CARMIL1: variants seen among roughly 807,000 people sequenced by gnomAD.
The protein encoded by CARMIL1 is capping protein regulator and myosin 1 linker 1.
Under a neutral mutation model 177.1 loss-of-function variants are expected in CARMIL1, and 90 were observed. That is an observed-to-expected ratio of 0.51 (90% confidence interval 0.43 to 0.61). The LOEUF (loss-of-function observed/expected upper bound fraction) is 0.61. Among genes scored for constraint, CARMIL1 ranks in the 20% least tolerant of loss-of-function variants. The pLI is 0.00. For synonymous variants in CARMIL1, 577 were observed against 606.2 expected (o/e 0.95, Z 0.71); for missense variants, 1,380 against 1,667.0 (o/e 0.83, Z 3.00).
chr6:25,301,701 A>G (rs575369936), intron 2 of CARMIL1, among the ~76,000 whole-genome samples: 1 of 152,336 alleles, frequency 6.6e-6, no homozygotes, highest in African/African-American at 2.4e-5. Context: ...ACACCTGGGT[A>G]GCCTCTGCCT....
chr6:25,457,315 G>A (rs1391379903), intron 8 of CARMIL1, among the ~76,000 whole-genome samples: 1 of 152,080 alleles, frequency 6.6e-6, no homozygotes, highest in Non-Finnish European at 1.5e-5. Context: ...ATTTTTTAGA[G>A]GGGAGGATAT....
chr6:25,433,287 A>G (rs1321927762), intron 4 of CARMIL1: 1 of 152,210 alleles, frequency 6.6e-6, no homozygotes, highest in Non-Finnish European at 1.5e-5. Flanking sequence ...GCTAATTACT[A>G]ATTACTCGCA....
intron 35 of CARMIL1, among the ~76,000 whole-genome samples, chr6:25,608,805 C>G (rs2151328634): frequency 6.6e-6 from 1 of 152,278 alleles, no homozygotes; most frequent in Non-Finnish European, 1.5e-5. Context: ...GAGAACGTGG[C>G]TGTAGATTGT....
Position 25,326,956 on chromosome 6 carries a change from C to T in CARMIL1, c.138+42047C>T, listed in dbSNP as rs191395904. ...GAGACTGGTGGGGGTAGCAAAAGGA[C>T]ATAACTTTTGAACACATTGCGTTTG... On this transcript the variant is annotated intron_variant, in intron 2 of 36. Coordinates refer to ENST00000329474, the MANE Select transcript of CARMIL1 (RefSeq NM_017640.6). The surrounding 1 kb of genome is among the most constrained non-coding windows in gnomAD (Gnocchi z 4.2). 9.9e-5 allele frequency among the ~76,000 whole-genome samples: 15 copies of T among 152,122 alleles called. No homozygotes were observed. In the East Asian group the frequency reaches 2.9e-3, roughly 29 times the overall value.
chr6:25,545,402 G>A (rs1180216027), intron 26 of CARMIL1, among the ~76,000 whole-genome samples: 10 of 129,032 alleles, frequency 7.8e-5, no homozygotes, highest in Admixed American at 6.2e-4. Flanking sequence ...AATTTGAAGT[G>A]TGTGAGCATC....
At chr6:25,489,335 CTCG>C (rs1384975677) in intron 13 of CARMIL1, among the ~76,000 whole-genome samples, 1 of 152,134 alleles carries the variant, frequency 6.6e-6, no homozygotes, top group African/African-American at 2.4e-5. Context: ...AACCTGAGCA[CTCG>C]TCTATTCCGT....
At chr6:25,458,940 T>G (rs897095071) in intron 8 of CARMIL1, among the ~76,000 whole-genome samples, 2 of 152,204 alleles carry the variant, frequency 1.3e-5, no homozygotes, top group African/African-American at 4.8e-5. Context: ...CTTAAAGGTC[T>G]TCCTTTTTTT....
chr6:25,343,446 A>G (rs1787163237), intron 2 of CARMIL1, among the ~76,000 whole-genome samples: 1 of 151,836 alleles, frequency 6.6e-6, no homozygotes, highest in Admixed American at 6.6e-5. Flanking sequence ...GTAGGGGTCA[A>G]GTGGGATCCC....
At chr6:25,449,843 A>G in intron 5 of CARMIL1, 55 bp from the exon 6 acceptor site, 7 of 982,226 alleles carry the variant, frequency 7.1e-6, no homozygotes, top group African/African-American at 3.2e-5. Flanking sequence ...ATTTATTTCT[A>G]TGTGCAGTCA....
At chr6:25,547,649 C>T (rs1376353264) in intron 26 of CARMIL1, among the ~76,000 whole-genome samples, 3 of 152,148 alleles carry the variant, frequency 2.0e-5, no homozygotes, top group Non-Finnish European at 4.4e-5. Flanking sequence ...TGGGACTTCA[C>T]AATTGCCACC....
chr6:25,349,927 C>A (rs2150355480), intron 2 of CARMIL1, among the ~76,000 whole-genome samples: 1 of 152,206 alleles, frequency 6.6e-6, no homozygotes, highest in African/African-American at 2.4e-5. Context: ...TGGGGTTTCA[C>A]CATGTTGGCC....
chr6:25,423,035 C>T (rs1795985367), intron 3 of CARMIL1, among the ~76,000 whole-genome samples: 1 of 152,138 alleles, frequency 6.6e-6, no homozygotes, highest in African/African-American at 2.4e-5. Flanking sequence ...TGCAGCTTTG[C>T]CGCTTTCCCC....
At chr6:25,420,783 G>A (rs1795792880) in intron 3 of CARMIL1, among the ~76,000 whole-genome samples, 1 of 152,202 alleles carries the variant, frequency 6.6e-6, no homozygotes, top group African/African-American at 2.4e-5. Flanking sequence ...AATTCGAACT[G>A]ATCGTTTGTG....
intron 1 of CARMIL1, 88 bp downstream of exon 1, chr6:25,279,923 C>T: frequency 6.7e-7 from 1 of 1,483,580 alleles, no homozygotes; most frequent in Non-Finnish European, 9.4e-7. Context: ...TCCCGCAGGT[C>T]TCGAGAAGTC....
At position 25,594,426 on chromosome 6, in the gene CARMIL1, C is replaced by T; in HGVS notation, c.3018C>T (p.Ala1006=). 6.2e-7 allele frequency: 1 copy of T among 1,610,038 alleles called. No individual in the cohort carries two copies. The highest frequency in any genetic ancestry group is 8.5e-7 in the Non-Finnish European group (1 of 1,177,652). ...QQPTQAAVCA[A]NIVSQDGEQN... Reference sequence around the variant, plus strand: ...TGTTTGTTTTGCAGGTCTGTGCTGCCAACATAGTCTCACAAGATGGTGAAC... The same window carrying T: ...TGTTTGTTTTGCAGGTCTGTGCTGCTAACATAGTCTCACAAGATGGTGAAC... Residue 1006 remains alanine (A), a synonymous_variant, in exon 32 of 37, where the codon GCC becomes GCT. Transcript: ENST00000329474.
At chr6:25,603,382 C>T (rs914425648) in intron 33 of CARMIL1, among the ~76,000 whole-genome samples, 1 of 152,208 alleles carries the variant, frequency 6.6e-6, no homozygotes, top group Non-Finnish European at 1.5e-5. Context: ...ACCTTGCATT[C>T]ATGACAGTGG....
intron 2 of CARMIL1, among the ~76,000 whole-genome samples, chr6:25,356,250 G>A (rs1010707937): frequency 1.4e-4 from 22 of 151,920 alleles, no homozygotes; most frequent in African/African-American, 4.6e-4. Context: ...GTAGAGACAG[G>A]GTTTCACCTT....
rs377434346 is a variant in CARMIL1 at position 25,610,615 on chromosome 6, C to G, written c.3979+434C>G. 3.3e-5 allele frequency among the ~76,000 whole-genome samples: 5 copies of G among 152,310 alleles called. No homozygotes were observed. In the East Asian group the frequency reaches 9.6e-4, roughly 29 times the overall value. On this transcript the variant is annotated intron_variant, in intron 36 of 36. Transcript: ENST00000329474. ...AGCAGCACCCCCGGGCCTGAGCCAC[C>G]TTGCAGCTCACTGTGCTCGCTCAGT...
At chr6:25,609,924 G>A (rs1162612495) in intron 35 of CARMIL1, 126 bp from the exon 36 acceptor site, 2 of 1,120,726 alleles carry the variant, frequency 1.8e-6, no homozygotes, top group Non-Finnish European at 2.4e-6. Context: ...CTAATTTTTG[G>A]CCAGAAAAAT....
Sources: allele counts gnomAD v4.1 joint callset (sites outside exome capture counted in the v4.1 genomes callset), GRCh38; gene constraint gnomAD v4.1.1; non-coding constraint Gnocchi (gnomAD v3.1); transcripts MANE v1.5; gene names NCBI Gene and HGNC (gene_info 2026-07-23, HGNC 2026-07-21).